The following VPS13B variants were observed in gnomAD, a reference collection of about 807,000 sequenced individuals.
The protein encoded by VPS13B is intermembrane lipid transfer protein VPS13B.
Under a neutral mutation model 426.4 loss-of-function variants are expected in VPS13B, and 285 were observed. The ratio of observed to expected loss-of-function variants is 0.67; its 90% confidence interval spans 0.61 to 0.74. The LOEUF is 0.74. Ranked by LOEUF, VPS13B falls within the 30% of genes least tolerant of loss-of-function variation. The probability of loss-of-function intolerance (pLI) is 0.00; values close to 1 mark genes in which losing one functional copy is unlikely to be tolerated. For missense variants in VPS13B, 4,537 were observed against 4,782.6 expected, an observed-to-expected ratio of 0.95 and a Z score of 1.51; for synonymous variants, 1,676 against 1,676.4, an observed-to-expected ratio of 1.00 and a Z score of 0.01.
intron 12 of VPS13B, among the ~76,000 whole-genome samples, chr8:99,140,922 T>C (rs1209813607): frequency 6.6e-6 from 1 of 152,186 alleles, no homozygotes; most frequent in Admixed American, 6.5e-5. Flanking sequence ...TTATTATTAA[T>C]ATAATTGTGT....
At chr8:99,763,818 T>C (rs1361226794) in intron 39 of VPS13B, among the ~76,000 whole-genome samples, 1 of 152,180 alleles carries the variant, frequency 6.6e-6, no homozygotes, top group Non-Finnish European at 1.5e-5. Flanking sequence ...ATGTCACTTA[T>C]CACTAACCAG....
chr8:99,615,423 T>C (rs1323031768), intron 33 of VPS13B, among the ~76,000 whole-genome samples: 13 of 152,186 alleles, frequency 8.5e-5, no homozygotes. Context: ...ATCCTTAATC[T>C]TATTGTGAGG....
intron 43 of VPS13B, among the ~76,000 whole-genome samples, chr8:99,802,852 C>T (rs1275232266): frequency 1.3e-5 from 2 of 152,146 alleles, no homozygotes; most frequent in Non-Finnish European, 1.5e-5. Flanking sequence ...GATCTTTTAT[C>T]TTTCCCTTCC....
chr8:99,453,820 T>A (rs1322681321), intron 23 of VPS13B, among the ~76,000 whole-genome samples: 1 of 152,192 alleles, frequency 6.6e-6, no homozygotes, highest in Non-Finnish European at 1.5e-5. Context: ...CTGCGCAGCC[T>A]CTCCAATTCA....
rs532413607 is a variant in VPS13B, at chr8:99,605,043, G to A, written c.5220+27410G>A. Among the ~76,000 whole-genome samples, 327 of 152,204 alleles carry A rather than the reference G, an allele frequency of 2.1e-3. 1 individual carries two copies. The highest frequency in any genetic ancestry group is 7.6e-3 in the African/African-American group (315 of 41,526). On this transcript the variant is annotated intron_variant, in intron 33 of 61. Coordinates refer to ENST00000357162, the MANE Select transcript of VPS13B (RefSeq NM_152564.5). Reference sequence around the variant, plus strand: ...CTGTAATTAATTCCTTCTATGCCAGGCATTTCTAAGTCTTTCAGAGCTTTA... The same window carrying A: ...CTGTAATTAATTCCTTCTATGCCAGACATTTCTAAGTCTTTCAGAGCTTTA...
intron 30 of VPS13B, among the ~76,000 whole-genome samples, chr8:99,525,572 G>T (rs568587974): frequency 6.6e-6 from 1 of 152,218 alleles, no homozygotes; most frequent in South Asian, 2.1e-4. Context: ...AATAATAAAT[G>T]GGGCTTTTTG....
At chr8:99,166,086 T>A (rs537708150) in intron 15 of VPS13B, among the ~76,000 whole-genome samples, 56 of 152,290 alleles carry the variant, frequency 3.7e-4, no homozygotes, top group African/African-American at 1.3e-3. Flanking sequence ...TTCAAGTGAT[T>A]CTCCTGCCTC....
chr8:99,647,192 A>G (rs973749829), intron 34 of VPS13B, among the ~76,000 whole-genome samples: 2 of 152,202 alleles, frequency 1.3e-5, no homozygotes, highest in African/African-American at 4.8e-5. Flanking sequence ...TATACAAGTC[A>G]TAAACCATTA....
intron 40 of VPS13B, among the ~76,000 whole-genome samples, chr8:99,775,050 C>T (rs879515208): frequency 3.9e-5 from 6 of 152,204 alleles, no homozygotes; most frequent in African/African-American, 4.8e-5. Flanking sequence ...TTCACAACCT[C>T]TTTCAAAACC....
At chr8:99,444,646 A>G (rs1265852091) in intron 23 of VPS13B, among the ~76,000 whole-genome samples, 2 of 151,810 alleles carry the variant, frequency 1.3e-5, no homozygotes, top group African/African-American at 2.4e-5. Flanking sequence ...GGCCATTTGT[A>G]TATCTTCTTT....
At chr8:99,675,310 G>C (rs146177959) in intron 35 of VPS13B, among the ~76,000 whole-genome samples, 53 of 152,232 alleles carry the variant, frequency 3.5e-4, no homozygotes, top group African/African-American at 1.2e-3. Context: ...TGAGAAGTGT[G>C]CTGCTCAGTG....
In VPS13B at chr8:99,694,926, A is replaced by G. The variant is rs954065998; in HGVS notation, c.6047-4599A>G. Among the ~76,000 whole-genome samples, 17 of 152,222 alleles carry G rather than the reference A, an allele frequency of 1.1e-4. No individual in the cohort carries two copies. In the East Asian group the frequency reaches 2.9e-3, roughly 26 times the overall value. On this transcript the variant is annotated intron_variant, in intron 35 of 61. Coordinates refer to ENST00000357162, the MANE Select transcript of VPS13B (RefSeq NM_152564.5). ...ACTTCTCAAAAGAAGACACTTATGC[A>G]GCCAAAAAACACATGAAAAAATGCT... is the stretch of plus-strand genomic sequence containing the variant.
At chr8:99,402,514 A>G (rs1346180110) in intron 21 of VPS13B, among the ~76,000 whole-genome samples, 1 of 152,166 alleles carries the variant, frequency 6.6e-6, no homozygotes, top group Non-Finnish European at 1.5e-5. Context: ...TAAGAACTAC[A>G]AGTGAAAAAA....
At chr8:99,197,332 T>C (rs985749626) in intron 17 of VPS13B, among the ~76,000 whole-genome samples, 3 of 152,204 alleles carry the variant, frequency 2.0e-5, no homozygotes, top group Non-Finnish European at 4.4e-5. Flanking sequence ...ATGCTAGCCT[T>C]CTAAAATGAG....
At chr8:99,471,070 A>G (rs1819379135) in intron 24 of VPS13B, among the ~76,000 whole-genome samples, 1 of 152,106 alleles carries the variant, frequency 6.6e-6, no homozygotes, top group African/African-American at 2.4e-5. Flanking sequence ...CAGAAATGAA[A>G]GAGAAATAAA....
rs1442841284 is a variant in VPS13B, at chr8:99,871,587, A to G, written c.11635A>G (p.Thr3879Ala). 6.2e-7 allele frequency: 1 copy of G among 1,614,088 alleles called. No homozygotes were observed. Among genetic ancestry groups the G allele is most frequent in the Non-Finnish European group, 8.5e-7 (1 of 1,180,040 alleles). ...VLFVVSVSED[T>A]QQQAFPVTEI... ...CTTCGTGGTGAGTGTCAGTGAGGAC[A>G]CACAGCAGCAGGCCTTCCCCGTCAC... The change falls in exon 61 of 62, where the codon ACA (threonine) becomes GCA (alanine). Residue 3879 changes from threonine to alanine, a missense_variant. Thr to Ala is a moderately conservative substitution (Grantham distance 58). Around this residue, in one of 2 missense-constraint regions of VPS13B, gnomAD observed 4,311 missense variants for 4,474.3 expected, o/e 0.96. Coordinates refer to ENST00000357162, the MANE Select transcript of VPS13B (RefSeq NM_152564.5).
chr8:99,239,626 T>C (rs571968166), intron 17 of VPS13B, among the ~76,000 whole-genome samples: 5 of 152,240 alleles, frequency 3.3e-5, no homozygotes, highest in South Asian at 2.1e-4. Flanking sequence ...GGGATACTGA[T>C]GTAAATAATT....
At chr8:99,452,876 A>G (rs1818267489) in intron 23 of VPS13B, among the ~76,000 whole-genome samples, 1 of 152,186 alleles carries the variant, frequency 6.6e-6, no homozygotes, top group Non-Finnish European at 1.5e-5. Context: ...GGTCAAAATC[A>G]ACATCTTGAG....
rs528028806 is a variant in VPS13B, at chr8:99,334,449, C to G, written c.2825-49759C>G. ...CTTGTGCCAGTTTTCAAAGGGAATG[C>G]TTCCAGTTTTTGCCCATTCAGTATG... On this transcript the variant is annotated intron_variant, in intron 19 of 61. Transcript: ENST00000357162. Among the ~76,000 whole-genome samples, 17 of 152,158 alleles carry G rather than the reference C, an allele frequency of 1.1e-4. No homozygotes were observed. In the East Asian group the frequency reaches 2.9e-3, roughly 26 times the overall value.
Sources: gnomAD v4.1 joint callset for allele counts (sites outside exome capture counted in the v4.1 genomes callset) on GRCh38, gnomAD v4.1.1 for gene constraint, gnomAD v4.1.1 regional missense constraint, MANE v1.5 for transcripts, NCBI Gene and HGNC (gene_info 2026-07-23, HGNC 2026-07-21) for gene names.